The following NRG3 variants were observed in gnomAD, a reference collection of about 807,000 sequenced individuals.
NRG3 encodes neuregulin 3.
A neutral mutation model predicts 66.9 loss-of-function variants in NRG3; 31 were observed. The ratio of observed to expected loss-of-function variants is 0.46; its 90% CI spans 0.35 to 0.63. NRG3 has a LOEUF of 0.63. Among genes scored for constraint, NRG3 ranks in the 20% least tolerant of loss-of-function variants. The probability of loss-of-function intolerance (pLI) is 0.00; values close to 1 mark genes in which losing one functional copy is unlikely to be tolerated. For synonymous variants in NRG3, 393 were observed against 359.4 expected, an observed-to-expected ratio of 1.09 and a Z score of -1.06; for missense variants, 910 against 878.9, an observed-to-expected ratio of 1.04 and a Z score of -0.45.
At chr10:82,293,251 A>T (rs755212226) in intron 1 of NRG3, among the ~76,000 whole-genome samples, 2 of 152,148 alleles carry the variant, frequency 1.3e-5, no homozygotes, top group Admixed American at 6.6e-5. Flanking sequence ...ACGGCAGTAT[A>T]AATACTTGGC....
chr10:81,895,919 G>A (rs192584771), intron 1 of NRG3, among the ~76,000 whole-genome samples: 20 of 152,232 alleles, frequency 1.3e-4, no homozygotes, highest in African/African-American at 4.6e-4. Flanking sequence ...GTTTAGATAT[G>A]TGGGAACTGG....
At chr10:82,521,271 T>C (rs1294956924) in intron 2 of NRG3, among the ~76,000 whole-genome samples, 1 of 152,170 alleles carries the variant, frequency 6.6e-6, no homozygotes, top group East Asian at 1.9e-4. Flanking sequence ...TCTTTGCTGG[T>C]GGAAGGTCTT....
chr10:82,211,797 C>T (rs1452277913), intron 1 of NRG3, among the ~76,000 whole-genome samples: 1 of 152,158 alleles, frequency 6.6e-6, no homozygotes, highest in Admixed American at 6.5e-5. Flanking sequence ...ATTTGCTTCA[C>T]TTAATACAGA....
At chr10:82,961,259 A>G (rs529608493) in intron 6 of NRG3, among the ~76,000 whole-genome samples, 2 of 152,368 alleles carry the variant, frequency 1.3e-5, no homozygotes, top group East Asian at 3.9e-4. Flanking sequence ...ATTAAAATCA[A>G]TAGACATACA....
intron 2 of NRG3, among the ~76,000 whole-genome samples, chr10:82,623,470 C>T (rs892479013): frequency 1.3e-5 from 2 of 152,160 alleles, no homozygotes; most frequent in African/African-American, 4.8e-5. Context: ...CAGATTTTTA[C>T]TTGCTTCTCA....
chr10:82,760,441 G>A (rs1358543868), intron 3 of NRG3, among the ~76,000 whole-genome samples: 1 of 152,136 alleles, frequency 6.6e-6, no homozygotes. Flanking sequence ...TGAATTAAAA[G>A]CAGATAAATA....
intron 2 of NRG3, among the ~76,000 whole-genome samples, chr10:82,534,103 T>C (rs956476439): frequency 6.6e-6 from 1 of 152,040 alleles, no homozygotes; most frequent in Non-Finnish European, 1.5e-5. Context: ...ACTATAAAAA[T>C]CATGAATTAA....
At chr10:82,645,689 C>T (rs963141591) in intron 2 of NRG3, among the ~76,000 whole-genome samples, 3 of 152,130 alleles carry the variant, frequency 2.0e-5, no homozygotes, top group Admixed American at 6.6e-5. Context: ...TACTGCTTTT[C>T]ATGTCTTCTT....
At chr10:82,554,522 A>G (rs923507418) in intron 2 of NRG3, among the ~76,000 whole-genome samples, 1 of 152,162 alleles carries the variant, frequency 6.6e-6, no homozygotes, top group Admixed American at 6.6e-5. Context: ...AGAAAAGGGC[A>G]AGGAGCCTGT....
intron 2 of NRG3, among the ~76,000 whole-genome samples, chr10:82,641,012 T>G (rs2050539435): frequency 4.8e-4 from 4 of 8,250 alleles, no homozygotes; most frequent in East Asian, 7.1e-3. Context: ...AGTCTGTCGT[T>G]TTTTTTTTTT....
intron 2 of NRG3, among the ~76,000 whole-genome samples, chr10:82,724,167 A>G (rs764893581): frequency 3.1e-4 from 47 of 151,996 alleles, no homozygotes; most frequent in Non-Finnish European, 2.1e-4. Context: ...TTTCAAACTT[A>G]CAATAACAAT....
chr10:82,894,182 C>A (rs1173377898), intron 4 of NRG3, among the ~76,000 whole-genome samples: 1 of 152,098 alleles, frequency 6.6e-6, no homozygotes, highest in African/African-American at 2.4e-5. Context: ...AAATTGAACC[C>A]AGCAAAGTAT....
In NRG3 at chr10:82,547,635, G is replaced by A. The variant is rs953920070; in HGVS notation, c.953+188767G>A. On this transcript the variant is annotated intron_variant, in intron 2 of 8. Transcript: ENST00000372141. The stretch of plus-strand genomic sequence containing the variant: ...TACATATACATATATGTGTGTGTGT[G>A]TATATATATATATTTATGCACACAC... Among the ~76,000 whole-genome samples the A allele has an allele frequency of 2.6e-4, 38 of 148,892 alleles. No homozygotes were observed. In the East Asian group the frequency reaches 3.9e-3, roughly 15 times the overall value.
chr10:82,703,793 C>T (rs758642857), intron 2 of NRG3, among the ~76,000 whole-genome samples: 11 of 152,104 alleles, frequency 7.2e-5, no homozygotes, highest in Non-Finnish European at 1.5e-4. Flanking sequence ...GGAATTAGGA[C>T]CACAAGAGAC....
chr10:82,823,181 C>T (rs1434472320), intron 3 of NRG3, among the ~76,000 whole-genome samples: 1 of 152,048 alleles, frequency 6.6e-6, no homozygotes, highest in Non-Finnish European at 1.5e-5. Context: ...TAGGGTAATC[C>T]TACCTGTGGA....
At chr10:82,142,111 C>T (rs2069837281) in intron 1 of NRG3, among the ~76,000 whole-genome samples, 1 of 152,144 alleles carries the variant, frequency 6.6e-6, no homozygotes, top group Admixed American at 6.5e-5. Flanking sequence ...TTCCTGGTAG[C>T]TCTTACTAAT....
chr10:82,005,743 T>TA (rs1384872119), intron 1 of NRG3, among the ~76,000 whole-genome samples: 1 of 152,172 alleles, frequency 6.6e-6, no homozygotes, highest in East Asian at 1.9e-4. Context: ...GAGTGACACT[T>TA]AGAGTTTGCA....
intron 2 of NRG3, among the ~76,000 whole-genome samples, chr10:82,603,495 C>T (rs1299282655): frequency 6.6e-6 from 1 of 152,138 alleles, no homozygotes; most frequent in East Asian, 1.9e-4. Flanking sequence ...AACATGTGGT[C>T]AACTCTAACT....
At chr10:82,071,076 T>A (rs1453482471) in intron 1 of NRG3, among the ~76,000 whole-genome samples, 6 of 152,186 alleles carry the variant, frequency 3.9e-5, no homozygotes, top group Admixed American at 6.5e-5. Flanking sequence ...GCCCCGATAG[T>A]ACCCTGTAAA....
Sources: gnomAD v4.1 joint callset for allele counts (sites outside exome capture counted in the v4.1 genomes callset) on GRCh38, gnomAD v4.1.1 for gene constraint, MANE v1.5 for transcripts, NCBI Gene and HGNC (gene_info 2026-07-23, HGNC 2026-07-21) for gene names.